DLG2: variants seen among roughly 807,000 people sequenced by gnomAD.
DLG2 encodes the protein disks large homolog 2.
A neutral mutation model predicts 132.5 loss-of-function variants in DLG2; 45 were observed. The observed-to-expected ratio is 0.34, with a 90% confidence interval of 0.27 to 0.44. The LOEUF is 0.44. Ranked by LOEUF, DLG2 falls within the 20% of genes least tolerant of loss-of-function variation. DLG2 has a pLI of 1.00. For missense variants in DLG2, 1,045 were observed against 1,196.9 expected (o/e 0.87, Z 1.87); for synonymous variants, 424 against 419.6 (o/e 1.01, Z -0.13).
At chr11:84,947,319 C>T (rs981835306) in intron 6 of DLG2, among the ~76,000 whole-genome samples, 3 of 152,146 alleles carry the variant, frequency 2.0e-5, no homozygotes, top group Non-Finnish European at 4.4e-5. Flanking sequence ...TGCACCACTG[C>T]CTCTTCCCAA....
At chr11:83,503,509 T>G (rs1365786515) in intron 21 of DLG2, among the ~76,000 whole-genome samples, 1 of 149,228 alleles carries the variant, frequency 6.7e-6, no homozygotes, top group Non-Finnish European at 1.5e-5. Flanking sequence ...GGTCTCACAA[T>G]AAGGCATCTG....
At chr11:84,758,572 TTACCC>T (rs2067192746) in intron 6 of DLG2, among the ~76,000 whole-genome samples, 1 of 152,212 alleles carries the variant, frequency 6.6e-6, no homozygotes, top group Admixed American at 6.5e-5. Context: ...ATTCTGTTTC[TTACCC>T]TATAGTTTTC....
chr11:85,193,382 A>G (rs2080767264), intron 4 of DLG2, among the ~76,000 whole-genome samples: 1 of 152,262 alleles, frequency 6.6e-6, no homozygotes. Flanking sequence ...ACATTCATAT[A>G]TAAGTTTTCA....
intron 27 of DLG2, among the ~76,000 whole-genome samples, chr11:83,460,185 T>C (rs1165268187): frequency 6.6e-6 from 1 of 152,234 alleles, no homozygotes; most frequent in Non-Finnish European, 1.5e-5. Flanking sequence ...CTGTCTGTAG[T>C]ACTGGACAAT....
At chr11:84,207,680 A>C (rs1041995843) in intron 8 of DLG2, among the ~76,000 whole-genome samples, 2 of 152,200 alleles carry the variant, frequency 1.3e-5, no homozygotes, top group African/African-American at 4.8e-5. Flanking sequence ...TAAAACTATA[A>C]AGTTCATAAA....
At chr11:84,670,189 T>A (rs1322337896) in intron 6 of DLG2, among the ~76,000 whole-genome samples, 9 of 152,078 alleles carry the variant, frequency 5.9e-5, no homozygotes, top group Non-Finnish European at 1.2e-4. Context: ...ATTTACACCA[T>A]TCTGAGCCTT....
chr11:83,914,099 A>G (rs2076517966), intron 15 of DLG2, among the ~76,000 whole-genome samples: 1 of 152,040 alleles, frequency 6.6e-6, no homozygotes, highest in African/African-American at 2.4e-5. Flanking sequence ...CCTTTCTGAG[A>G]CTCATGTTGA....
At chr11:85,605,051 C>A (rs2080431217) in intron 2 of DLG2, among the ~76,000 whole-genome samples, 1 of 152,016 alleles carries the variant, frequency 6.6e-6, no homozygotes, top group Admixed American at 6.5e-5. Flanking sequence ...ATTTAACAGG[C>A]AAATTTTGGA....
intron 7 of DLG2, among the ~76,000 whole-genome samples, chr11:84,411,906 T>C (rs1337116526): frequency 6.6e-6 from 1 of 152,010 alleles, no homozygotes; most frequent in Non-Finnish European, 1.5e-5. Context: ...ATTTATTTTC[T>C]AGCTGAGTTA....
intron 16 of DLG2, among the ~76,000 whole-genome samples, chr11:83,871,553 A>G (rs2063440212): frequency 6.6e-6 from 1 of 152,250 alleles, no homozygotes; most frequent in Non-Finnish European, 1.5e-5. Context: ...TTGATTGCCT[A>G]CACTGAGCAG....
At chr11:84,396,001 T>G (rs1396841846) in intron 7 of DLG2, among the ~76,000 whole-genome samples, 2 of 152,200 alleles carry the variant, frequency 1.3e-5, no homozygotes, top group Non-Finnish European at 1.5e-5. Context: ...ATAGAAACAT[T>G]ACGAGGCATC....
intron 3 of DLG2, among the ~76,000 whole-genome samples, chr11:85,372,450 C>A (rs1292655515): frequency 6.6e-6 from 1 of 152,218 alleles, no homozygotes; most frequent in East Asian, 1.9e-4. Flanking sequence ...TACATTTTGT[C>A]TCAGACTCAA....
intron 6 of DLG2, among the ~76,000 whole-genome samples, chr11:85,061,330 TC>T (rs1466266566): frequency 4.3e-5 from 3 of 69,262 alleles, no homozygotes. Flanking sequence ...TGCACTGGCA[TC>T]TTTTTTTCTA....
intron 4 of DLG2, among the ~76,000 whole-genome samples, chr11:85,169,625 A>G (rs2078702929): frequency 6.6e-6 from 1 of 152,166 alleles, no homozygotes; most frequent in Non-Finnish European, 1.5e-5. Context: ...TTGGAAACTG[A>G]ATGGGACCTT....
At chr11:83,901,073 G>C (rs1437529025) in intron 15 of DLG2, among the ~76,000 whole-genome samples, 1 of 152,204 alleles carries the variant, frequency 6.6e-6, no homozygotes, top group Non-Finnish European at 1.5e-5. Context: ...GACTTGCATA[G>C]AGCCTATAGC....
chr11:85,178,755 T>C (rs1011606838), intron 4 of DLG2, among the ~76,000 whole-genome samples: 7 of 151,912 alleles, frequency 4.6e-5, no homozygotes, highest in East Asian at 3.9e-4. Context: ...TTATAAACCA[T>C]AGACTAAACA....
intron 11 of DLG2, among the ~76,000 whole-genome samples, chr11:84,029,619 C>CAAT (rs1291145423): frequency 6.6e-6 from 1 of 152,024 alleles, no homozygotes; most frequent in Non-Finnish European, 1.5e-5. Context: ...ATTTGAGAAG[C>CAAT]AATAATAATA....
At chr11:83,659,016 T>A (rs537502679) in intron 18 of DLG2, among the ~76,000 whole-genome samples, 1 of 152,054 alleles carries the variant, frequency 6.6e-6, no homozygotes, top group African/African-American at 2.4e-5. Context: ...GATATGGTAC[T>A]CTCACTTACT....
intron 3 of DLG2, among the ~76,000 whole-genome samples, chr11:85,545,418 A>G (rs191334716): frequency 6.6e-6 from 1 of 152,324 alleles, no homozygotes; most frequent in East Asian, 1.9e-4. Context: ...TTTCGCATCA[A>G]CATTCATCAG....
Sources: allele counts gnomAD v4.1 joint callset (sites outside exome capture counted in the v4.1 genomes callset), GRCh38; gene constraint gnomAD v4.1.1; transcripts MANE v1.5; gene names NCBI Gene and HGNC (gene_info 2026-07-23, HGNC 2026-07-21).